CREB5: variants seen among roughly 807,000 people sequenced by gnomAD.
CREB5 encodes cyclic AMP-responsive element-binding protein 5.
A neutral mutation model predicts 57.1 loss-of-function variants in CREB5; 19 were observed. The observed-to-expected ratio is 0.33, with a 90% CI of 0.23 to 0.49. The LOEUF (loss-of-function observed/expected upper bound fraction) is 0.49. Among genes scored for constraint, CREB5 ranks in the 20% least tolerant of loss-of-function variants. The pLI is 0.99. For missense variants in CREB5, 579 were observed against 671.6 expected, an observed-to-expected ratio of 0.86 and a Z score of 1.52; for synonymous variants, 238 against 238.3, an observed-to-expected ratio of 1.00 and a Z score of 0.01.
At chr7:28,729,843 G>A (rs573882838) in intron 7 of CREB5, among the ~76,000 whole-genome samples, 1 of 152,296 alleles carries the variant, frequency 6.6e-6, no homozygotes, top group East Asian at 1.9e-4. Context: ...ATGTGACCCT[G>A]TAGCCTGTGA....
intron 8 of CREB5, among the ~76,000 whole-genome samples, chr7:28,808,383 G>C (rs1340997777): frequency 6.6e-6 from 1 of 152,112 alleles, no homozygotes; most frequent in Non-Finnish European, 1.5e-5. Context: ...GGTATGTTAG[G>C]AACACAATTT....
At chr7:28,672,684 A>G (rs901992786) in intron 5 of CREB5, among the ~76,000 whole-genome samples, 1 of 151,850 alleles carries the variant, frequency 6.6e-6, no homozygotes, top group African/African-American at 2.4e-5. Flanking sequence ...ACTGGATGAG[A>G]CCTCCCCTAC....
At position 28,712,524 on chromosome 7, in the gene CREB5, T is replaced by TTTTTTATTATTATTATTATTATTATTA. The variant is rs1554289900; in HGVS notation, c.465-6227_465-6226insTTTATTATTATTATTATTATTATTATT. ...ACTCCTCAAAAAAAAAAAAAGAGAA[T>TTTTTTATTATTATTATTATTATTATTA]TTATTATTATTATTATTATTATTTT... On this transcript the variant is annotated intron_variant, in intron 5 of 10. Transcript: ENST00000357727. 3.8e-3 allele frequency among the ~76,000 whole-genome samples: 509 copies of TTTTTTATTATTATTATTATTATTATTA among 135,342 alleles called. 1 individual carries two copies. Among genetic ancestry groups the TTTTTTATTATTATTATTATTATTATTA allele is most frequent in the Non-Finnish European group, 5.5e-3 (353 of 64,498 alleles). The allele number at this position is 135,342 out of a possible 152,430, so 88.8% of individuals were successfully genotyped here.
intron 1 of CREB5, among the ~76,000 whole-genome samples, chr7:28,442,908 A>T (rs1030575802): frequency 1.3e-5 from 2 of 152,238 alleles, no homozygotes; most frequent in African/African-American, 4.8e-5. Flanking sequence ...TGTCATTCAA[A>T]TATACAGACA....
At chr7:28,785,156 T>A (rs1269750919) in intron 7 of CREB5, among the ~76,000 whole-genome samples, 1 of 152,226 alleles carries the variant, frequency 6.6e-6, no homozygotes, top group Non-Finnish European at 1.5e-5. Context: ...TAAATTCATG[T>A]GTAGACATCA....
intron 7 of CREB5, among the ~76,000 whole-genome samples, chr7:28,783,597 T>C (rs567374788): frequency 6.6e-6 from 1 of 152,350 alleles, no homozygotes; most frequent in African/African-American, 2.4e-5. Context: ...CCTCCTTTTC[T>C]TTCTTCTTTT....
intron 1 of CREB5, among the ~76,000 whole-genome samples, chr7:28,312,467 G>A (rs994964234): frequency 6.6e-6 from 1 of 152,218 alleles, no homozygotes; most frequent in South Asian, 2.1e-4. Context: ...GCCAGAGGTG[G>A]CTTGGGAGAC....
chr7:28,627,851 A>G (rs1411300064), intron 5 of CREB5, among the ~76,000 whole-genome samples: 1 of 152,152 alleles, frequency 6.6e-6, no homozygotes, highest in Non-Finnish European at 1.5e-5. Flanking sequence ...TGTTCAGTAA[A>G]TAAAAATCTG....
chr7:28,706,077 G>A (rs1002338998), intron 5 of CREB5, among the ~76,000 whole-genome samples: 1 of 152,214 alleles, frequency 6.6e-6, no homozygotes, highest in Non-Finnish European at 1.5e-5. Flanking sequence ...ATCTTCAGCC[G>A]GGTGCAGTGG....
At chr7:28,715,641 C>T (rs1405819575) in intron 5 of CREB5, among the ~76,000 whole-genome samples, 1 of 152,114 alleles carries the variant, frequency 6.6e-6, no homozygotes. Flanking sequence ...TGAGTAGGCA[C>T]AGGTCATTTA....
chr7:28,319,882 T>A (rs942098236), intron 1 of CREB5, among the ~76,000 whole-genome samples: 1 of 151,938 alleles, frequency 6.6e-6, no homozygotes, highest in Non-Finnish European at 1.5e-5. Context: ...CCTTTATAAA[T>A]CTTTTTGCTA....
chr7:28,356,478 G>A (rs1050466518), intron 1 of CREB5, among the ~76,000 whole-genome samples: 27 of 152,212 alleles, frequency 1.8e-4, no homozygotes, highest in African/African-American at 6.3e-4. Context: ...TACATGTGTT[G>A]ATCCTTTACC....
Position 28,821,138 on chromosome 7 carries a change from G to GTGTT in CREB5, c.*1862_*1863insTTGT, listed in dbSNP as rs1175807953. On this transcript the variant is annotated 3_prime_UTR_variant, in exon 11 of 11. Transcript: ENST00000357727. ...GCTTGACCTCTTAATGTGTGTGTGT[G>GTGTT]TGTGTGTGTGTGTGTGTGTGTTCAT... is the stretch of plus-strand genomic sequence containing the variant. 2.0e-5 allele frequency: 3 copies of GTGTT among 151,972 alleles called. No individual in the cohort carries two copies. The highest frequency in any genetic ancestry group is 4.4e-5 in the Non-Finnish European group (3 of 67,950). 9.4% of individuals were successfully genotyped at this position (151,972 alleles called of 1,614,324 possible). A position where few individuals can be genotyped will look rare whatever the true frequency, so the allele number is the denominator to read the frequency against.
intron 5 of CREB5, among the ~76,000 whole-genome samples, chr7:28,610,603 G>C (rs1200024057): frequency 6.6e-6 from 1 of 152,116 alleles, no homozygotes; most frequent in Admixed American, 6.6e-5. Flanking sequence ...CTTTAAAAAG[G>C]TTTCTTCAAA....
rs17156762 is a variant in CREB5 at position 28,477,012 on chromosome 7, C to A, written c.4-11163C>A. On this transcript the variant is annotated intron_variant, in intron 1 of 10. Transcript: ENST00000357727. The stretch of plus-strand genomic sequence containing the variant: ...GAGGGCAGGAACTGTTTGTGCCAAG[C>A]CTTCATTCTCCTAGCATGGGGCCTC... Among the ~76,000 whole-genome samples the A allele has an allele frequency of 4.2e-3, 633 of 152,336 alleles. 5 individuals carry two copies. The highest frequency in any genetic ancestry group is 0.014 in the African/African-American group (599 of 41,576).
intron 4 of CREB5, among the ~76,000 whole-genome samples, chr7:28,560,941 C>CGTGCGT (rs1795202196): frequency 2.2e-5 from 1 of 44,658 alleles, no homozygotes; most frequent in Non-Finnish European, 4.1e-5. Context: ...TGTGTGCGTG[C>CGTGCGT]GTGTGTGTGC....
chr7:28,634,346 A>AT (rs1433594686), intron 5 of CREB5, among the ~76,000 whole-genome samples: 1 of 152,190 alleles, frequency 6.6e-6, no homozygotes, highest in African/African-American at 2.4e-5. Context: ...TTGAACTGAT[A>AT]TTTTTTAATG....
chr7:28,393,871 T>G (rs894498608), intron 1 of CREB5, among the ~76,000 whole-genome samples: 1 of 151,924 alleles, frequency 6.6e-6, no homozygotes, highest in African/African-American at 2.4e-5. Flanking sequence ...GGTCAGGAGT[T>G]TGAGCCCAGT....
intron 5 of CREB5, among the ~76,000 whole-genome samples, chr7:28,575,338 G>A (rs1168618918): frequency 2.0e-5 from 3 of 152,188 alleles, no homozygotes; most frequent in Non-Finnish European, 4.4e-5. Flanking sequence ...GTTGCTGGGG[G>A]TGGGGAAAGA....
Sources: gnomAD v4.1 joint callset for allele counts (sites outside exome capture counted in the v4.1 genomes callset) on GRCh38, gnomAD v4.1.1 for gene constraint, MANE v1.5 for transcripts, NCBI Gene and HGNC (gene_info 2026-07-23, HGNC 2026-07-21) for gene names.